LIG1: variants seen among roughly 807,000 people sequenced by gnomAD.
LIG1 encodes the protein DNA ligase 1, also known as ligase I, DNA, ATP-dependent.
In LIG1, 70 loss-of-function variants were observed where a neutral mutation model predicts 115.7. The ratio of observed to expected loss-of-function variants is 0.60; its 90% CI spans 0.50 to 0.74. LIG1 has a LOEUF of 0.74. Among genes scored for constraint, LIG1 ranks in the 30% least tolerant of loss-of-function variants. LIG1 has a pLI of 0.00. For missense variants in LIG1, 1,115 were observed against 1,225.6 expected, an observed-to-expected ratio of 0.91 and a Z score of 1.35; for synonymous variants, 487 against 495.3, an observed-to-expected ratio of 0.98 and a Z score of 0.22.
chr19:48,152,468 A>G (rs184035458), intron 6 of LIG1, among the ~76,000 whole-genome samples: 1 of 152,252 alleles, frequency 6.6e-6, no homozygotes, highest in East Asian at 1.9e-4. Flanking sequence ...TGGAAAATGG[A>G]CCTTTTATTT....
In LIG1 at chr19:48,149,753, A is replaced by G. The variant is rs2035349080; in HGVS notation, c.776+10T>C. On this transcript the variant is annotated intron_variant, in intron 9 of 27. Coordinates refer to ENST00000263274, the MANE Select transcript of LIG1 (RefSeq NM_000234.3). ...CCGAAGAACCTTTCCAGACCTGGACACTGACTCACCCCTCAGCAGCTCCCT... is the reference window on the plus strand; with the variant it reads ...CCGAAGAACCTTTCCAGACCTGGACGCTGACTCACCCCTCAGCAGCTCCCT... 1 of 1,610,866 alleles carries G rather than the reference A, an allele frequency of 6.2e-7. No homozygotes were observed. The highest frequency in any genetic ancestry group is 1.3e-5 in the African/African-American group (1 of 74,848).
intron 9 of LIG1, among the ~76,000 whole-genome samples, chr19:48,149,413 G>A (rs1489597437): frequency 6.6e-6 from 1 of 152,182 alleles, no homozygotes; most frequent in Non-Finnish European, 1.5e-5. Flanking sequence ...TGACGGCTCT[G>A]GGGAACCCTA....
intron 9 of LIG1, among the ~76,000 whole-genome samples, chr19:48,148,667 T>TG (rs200921647): frequency 0.012 from 1,757 of 151,822 alleles, 15 homozygotes; most frequent in Middle Eastern, 0.034. Flanking sequence ...ATGGCAGAGA[T>TG]GGGGGGGTGA....
intron 14 of LIG1, 68 bp from the exon 15 acceptor site, chr19:48,136,193 T>C (rs1396988915): frequency 1.7e-5 from 21 of 1,206,910 alleles, no homozygotes; most frequent in Admixed American, 1.2e-4. Context: ...CTCCCTTCTC[T>C]GATCTCCTCG....
chr19:48,116,040 T>A, intron 26 of LIG1, 75 bp from the exon 27 acceptor site: 2 of 1,074,878 alleles, frequency 1.9e-6, no homozygotes, highest in Non-Finnish European at 1.4e-6. Context: ...TCCTCCACTC[T>A]GGACTGTTTC....
chr19:48,153,225 ACTT>A (rs1037823747), intron 6 of LIG1, among the ~76,000 whole-genome samples: 33 of 149,910 alleles, frequency 2.2e-4, no homozygotes, highest in Middle Eastern at 3.5e-3. Context: ...CACAAATATT[ACTT>A]TTTTTCCAAT....
At chr19:48,149,471 C>T (rs1343589943) in intron 9 of LIG1, among the ~76,000 whole-genome samples, 2 of 152,188 alleles carry the variant, frequency 1.3e-5, no homozygotes, top group Admixed American at 6.5e-5. Flanking sequence ...CCAGGCTCTA[C>T]GGGGATCAGA....
rs1336233094 is a variant in LIG1, at chr19:48,119,121, A to G, written c.2439+16T>C. ...GGGAGAGGGGTGGAGGCTGAGGCGC[A>G]GCCGCCATGGCTCACCTTGAGGCTC... On this transcript the variant is annotated intron_variant, in intron 25 of 27. Coordinates refer to ENST00000263274, the MANE Select transcript of LIG1 (RefSeq NM_000234.3). 4 of 1,568,950 alleles carry G rather than the reference A, an allele frequency of 2.5e-6. No homozygotes were observed. The highest frequency in any genetic ancestry group is 3.5e-6 in the Non-Finnish European group (4 of 1,156,730).
chr19:48,161,067 T>C, intron 4 of LIG1: 1 of 434,350 alleles, frequency 2.3e-6, no homozygotes, highest in Non-Finnish European at 4.3e-6. Context: ...CAGGCATTAT[T>C]CTCAGATCTG....
At chr19:48,123,415 A>G in intron 21 of LIG1, 97 bp from the exon 22 acceptor site, 3 of 1,399,122 alleles carry the variant, frequency 2.1e-6, no homozygotes, top group South Asian at 1.2e-5. Context: ...TGCGGGTCAC[A>G]ACTAGTGACA....
At chr19:48,154,224 T>C in intron 5 of LIG1, 2 of 475,274 alleles carry the variant, frequency 4.2e-6, no homozygotes, top group South Asian at 2.0e-5. Flanking sequence ...TCCCCACGAG[T>C]AAACAATGAT....
chr19:48,121,010 T>G (rs2033227315), intron 24 of LIG1, 160 bp downstream of exon 24: 1 of 1,504,590 alleles, frequency 6.6e-7, no homozygotes, highest in Non-Finnish European at 8.8e-7. Context: ...GAAGCAAGAG[T>G]TGCTCATAGA....
At position 48,134,037 on chromosome 19, in the gene LIG1, G is replaced by A; in HGVS notation, c.1553C>T (p.Pro518Leu). 6.4e-7 allele frequency: 1 copy of A among 1,557,542 alleles called. No individual in the cohort carries two copies. Among genetic ancestry groups the A allele is most frequent in the Non-Finnish European group, 8.7e-7 (1 of 1,150,078 alleles). Reference protein sequence around the residue: ...CEVPDLDRIIPVLLEHGLERL... With the variant: ...CEVPDLDRIILVLLEHGLERL... Reference sequence around the variant, plus strand: ...TTCCAGGCCGTGCTCCAGCAGCACGGGGATAATTCGGTCCAGGTCGGGAAC... The same window carrying A: ...TTCCAGGCCGTGCTCCAGCAGCACGAGGATAATTCGGTCCAGGTCGGGAAC... Residue 518 changes from proline (P) to leucine (L), a missense_variant, in exon 17 of 28, where the codon CCC becomes CTC. Pro to Leu is a moderately conservative substitution (Grantham distance 98). Coordinates refer to ENST00000263274, the MANE Select transcript of LIG1 (RefSeq NM_000234.3).
In LIG1 at chr19:48,122,841, A is replaced by G. The variant is rs928237639; in HGVS notation, c.2232+93T>C. ...GTGAAAAGGGGCCCTGAGCTCAGAC[A>G]GGGTACACAGTGGAGGCTCGAAATC... On this transcript the variant is annotated intron_variant, in intron 23 of 27. Transcript: ENST00000263274. This position sits in a 1 kb window ranked among gnomAD's most constrained non-coding sequence, Gnocchi z 4.3. The G allele has an allele frequency of 1.8e-6, 2 of 1,136,600 alleles. No homozygotes were observed. Among genetic ancestry groups the G allele is most frequent in the East Asian group, 2.3e-5 (1 of 42,622 alleles). The allele number at this position is 1,136,600 out of a possible 1,614,324, so 70.4% of individuals were successfully genotyped here. A position where few individuals can be genotyped will look rare whatever the true frequency, so the allele number is the denominator to read the frequency against.
chr19:48,165,376 A>G (rs1181616153), intron 2 of LIG1, among the ~76,000 whole-genome samples, 174 bp downstream of exon 2: 2 of 152,204 alleles, frequency 1.3e-5, no homozygotes, highest in African/African-American at 4.8e-5. Context: ...TGTTCAATAC[A>G]CTGTCTTCCA....
chr19:48,147,804 T>C (rs974716472), intron 9 of LIG1, among the ~76,000 whole-genome samples: 2 of 150,548 alleles, frequency 1.3e-5, no homozygotes, highest in African/African-American at 4.9e-5. Flanking sequence ...AGTAAATAAA[T>C]GAGTCCATGA....
rs931615804 is a variant in LIG1 at position 48,143,687 on chromosome 19, G to A, written c.858-88C>T. 2.8e-5 allele frequency: 35 copies of A among 1,247,704 alleles called. 1 individual carries two copies. The highest frequency in any genetic ancestry group is 2.5e-4 in the South Asian group (21 of 83,572). 77.3% of individuals were successfully genotyped at this position (1,247,704 alleles called of 1,614,324 possible). On this transcript the variant is annotated intron_variant, in intron 10 of 27. Transcript: ENST00000263274. The stretch of plus-strand genomic sequence containing the variant: ...CACCCTTGCTTCCTCACGCCTCCTC[G>A]GGACACCCTTGCCAATACCCAAATG...
chr19:48,124,624 C>T (rs2033541493), intron 21 of LIG1, among the ~76,000 whole-genome samples: 1 of 152,180 alleles, frequency 6.6e-6, no homozygotes, highest in African/African-American at 2.4e-5. Flanking sequence ...TTATATTCAT[C>T]ACACATTGAA....
chr19:48,135,699 T>C lies in LIG1; in HGVS notation c.1504A>G (p.Ile502Val). 1 of 1,613,874 alleles carries C rather than the reference T, an allele frequency of 6.2e-7. No individual in the cohort carries two copies. Among genetic ancestry groups the C allele is most frequent in the South Asian group, 1.1e-5 (1 of 91,076 alleles). Residue 502 changes from isoleucine (I) to valine (V), a missense_variant, in exon 16 of 28, where the codon ATC becomes GTC. Coordinates refer to ENST00000263274, the MANE Select transcript of LIG1 (RefSeq NM_000234.3). The part of the protein sequence containing the change: ...RKTWLEEQGM[I>V]LKQTFCEVPD... ...TCTCACCAGAACGTCTGCTTCAGGA[T>C]CATGCCTTGCTCCTCCAGCCACGTC...
Sources: allele counts gnomAD v4.1 joint callset (sites outside exome capture counted in the v4.1 genomes callset), GRCh38; gene constraint gnomAD v4.1.1; non-coding constraint Gnocchi (gnomAD v3.1); transcripts MANE v1.5; gene names NCBI Gene and HGNC (gene_info 2026-07-23, HGNC 2026-07-21).